Variants in AGMO observed in about 807,000 individuals in gnomAD.
The protein encoded by AGMO is glyceryl-ether monooxygenase.
AGMO carries 75 observed loss-of-function variants against 60.2 expected under a neutral mutation model. The ratio of observed to expected loss-of-function variants is 1.25; its 90% CI spans 1.03 to 1.51. The LOEUF is 1.51. AGMO is among the 40% of genes most tolerant of loss of function. The pLI is 0.00. For missense variants in AGMO, 763 were observed against 525.5 expected, an observed-to-expected ratio of 1.45 and a Z score of -4.42; for synonymous variants, 261 against 177.1, an observed-to-expected ratio of 1.47 and a Z score of -3.76.
intron 5 of AGMO, among the ~76,000 whole-genome samples, chr7:15,403,166 C>G (rs1178535386): frequency 6.6e-6 from 1 of 151,894 alleles, no homozygotes; most frequent in Non-Finnish European, 1.5e-5. Flanking sequence ...ATAATTGGCA[C>G]AAGCATTGTC....
intron 4 of AGMO, among the ~76,000 whole-genome samples, chr7:15,427,013 T>C (rs1781084010): frequency 6.6e-6 from 1 of 152,114 alleles, no homozygotes; most frequent in Non-Finnish European, 1.5e-5. Context: ...CAGAGTTAGC[T>C]TCATTCGAAT....
At chr7:15,344,849 C>CAA (rs147227080) in intron 12 of AGMO, among the ~76,000 whole-genome samples, 34,821 of 151,998 alleles carry the variant, frequency 0.23, 4,195 homozygotes, top group African/African-American at 0.27. Flanking sequence ...AAACATCTGT[C>CAA]AACATTTTAT....
Position 15,561,828 on chromosome 7 carries a change from G to A in AGMO, c.18C>T (p.Ala6=), listed in dbSNP as rs1785319203. The A allele has an allele frequency of 6.2e-7, 1 of 1,607,198 alleles. No individual in the cohort carries two copies. The highest frequency in any genetic ancestry group is 8.5e-7 in the Non-Finnish European group (1 of 1,176,070). The part of the protein sequence containing the change: MKNPE[A]QQDVSVSQGF... ...CCTGGGAAACTGAAACATCCTGCTG[G>A]GCTTCTGGGTTCTTCATTTCTGCCC... Residue 6 remains alanine, a synonymous_variant, in exon 1 of 13, where the codon GCC becomes GCT. Coordinates refer to ENST00000342526, the MANE Select transcript of AGMO (RefSeq NM_001004320.2).
At chr7:15,198,241 G>GAC (rs1781180325), downstream of AGMO, among the ~76,000 whole-genome samples, 1 of 99,884 alleles carries the variant, frequency 1.0e-5, no homozygotes, top group East Asian at 2.1e-4. Context: ...GAGAGAGAGA[G>GAC]AGAGAGAGAG....
chr7:15,545,404 T>C (rs974769555), intron 2 of AGMO, among the ~76,000 whole-genome samples: 7 of 152,088 alleles, frequency 4.6e-5, no homozygotes, highest in African/African-American at 1.7e-4. Context: ...TCCCATAAAA[T>C]TTGCCTTTAG....
the AGMO span, among the ~76,000 whole-genome samples, chr7:15,169,039 T>G: frequency 6.6e-6 from 1 of 152,196 alleles, no homozygotes; most frequent in East Asian, 1.9e-4. Context: ...TGTCTATTAT[T>G]GGTCCCAGGT....
the AGMO span, among the ~76,000 whole-genome samples, chr7:15,165,570 A>G: frequency 9.2e-5 from 14 of 152,162 alleles, no homozygotes; most frequent in African/African-American, 3.4e-4. Flanking sequence ...AGTGTATATT[A>G]TTTTAAAAGT....
At chr7:15,385,158 G>GT (rs1185910451) in intron 10 of AGMO, among the ~76,000 whole-genome samples, 1 of 152,124 alleles carries the variant, frequency 6.6e-6, no homozygotes, top group East Asian at 1.9e-4. Context: ...TATTTTTATT[G>GT]TAATTGTTTT....
the AGMO span, among the ~76,000 whole-genome samples, chr7:15,166,399 C>A: frequency 6.6e-6 from 1 of 151,966 alleles, no homozygotes; most frequent in African/African-American, 2.4e-5. Context: ...ATGCTGGTGT[C>A]GGGAGACCAG....
intron 12 of AGMO, among the ~76,000 whole-genome samples, chr7:15,279,805 C>T (rs1399765748): frequency 6.6e-6 from 1 of 152,140 alleles, no homozygotes; most frequent in South Asian, 2.1e-4. Context: ...CAATCCAGGC[C>T]AAGGGAGAAG....
At chr7:15,338,479 A>G (rs1781733207) in intron 12 of AGMO, among the ~76,000 whole-genome samples, 1 of 152,070 alleles carries the variant, frequency 6.6e-6, no homozygotes, top group South Asian at 2.1e-4. Flanking sequence ...TATTTAATTT[A>G]AAGTCAACAT....
chr7:15,518,476 C>G (rs758393291), intron 3 of AGMO, among the ~76,000 whole-genome samples: 2 of 152,134 alleles, frequency 1.3e-5, no homozygotes, highest in Non-Finnish European at 2.9e-5. Flanking sequence ...GAGGAAGGAG[C>G]AGGCAGCAAT....
At chr7:15,427,129 T>C (rs1019738978) in intron 4 of AGMO, among the ~76,000 whole-genome samples, 2 of 152,170 alleles carry the variant, frequency 1.3e-5, no homozygotes, top group African/African-American at 4.8e-5. Flanking sequence ...TTGGCTGATA[T>C]ATTTGTTGCT....
intron 12 of AGMO, among the ~76,000 whole-genome samples, chr7:15,218,620 C>A (rs2128496113): frequency 6.6e-6 from 1 of 151,840 alleles, no homozygotes; most frequent in Non-Finnish European, 1.5e-5. Flanking sequence ...TTTATTTTTT[C>A]TGTATTTTTG....
intron 3 of AGMO, among the ~76,000 whole-genome samples, chr7:15,476,743 T>C (rs1226259207): frequency 6.6e-6 from 1 of 152,068 alleles, no homozygotes; most frequent in Non-Finnish European, 1.5e-5. Flanking sequence ...TTGAAACACA[T>C]CTCCAAATAT....
At chr7:15,515,730 G>T (rs1219294358) in intron 3 of AGMO, among the ~76,000 whole-genome samples, 1 of 152,128 alleles carries the variant, frequency 6.6e-6, no homozygotes, top group Non-Finnish European at 1.5e-5. Context: ...GGAGAATTAA[G>T]AAATATATTT....
intron 3 of AGMO, among the ~76,000 whole-genome samples, chr7:15,461,861 T>C (rs944995108): frequency 2.0e-5 from 3 of 152,166 alleles, no homozygotes; most frequent in African/African-American, 7.2e-5. Context: ...TTTGTGGTTA[T>C]ATTTGGCAAA....
chr7:15,205,819 A>G (rs1458454398), intron 12 of AGMO, among the ~76,000 whole-genome samples: 2 of 152,164 alleles, frequency 1.3e-5, no homozygotes, highest in Non-Finnish European at 2.9e-5. Context: ...TATTCTAAAC[A>G]AATGTATACC....
chr7:15,234,851 A>C (rs1356884441), intron 12 of AGMO, among the ~76,000 whole-genome samples: 1 of 152,166 alleles, frequency 6.6e-6, no homozygotes, highest in Non-Finnish European at 1.5e-5. Context: ...AACATGTAAA[A>C]AGTGTTCTTG....
Sources: allele counts gnomAD v4.1 joint callset (sites outside exome capture counted in the v4.1 genomes callset), GRCh38; gene constraint gnomAD v4.1.1; transcripts MANE v1.5; gene names NCBI Gene and HGNC (gene_info 2026-07-23, HGNC 2026-07-21).